The following CDC16 variants were observed in gnomAD, a reference collection of about 807,000 sequenced individuals.
CDC16 encodes cell division cycle 16.
CDC16 carries 34 observed loss-of-function variants against 87.0 expected under a neutral mutation model. That is an observed-to-expected ratio of 0.39 (90% CI 0.30 to 0.52). The LOEUF (loss-of-function observed/expected upper bound fraction) is 0.52. CDC16 is among the 20% of genes least tolerant of loss of function. The pLI is 0.74. For synonymous variants in CDC16, 263 were observed against 260.6 expected (o/e 1.01, Z -0.09); for missense variants, 653 against 751.9 (o/e 0.87, Z 1.54).
intron 9 of CDC16, among the ~76,000 whole-genome samples, chr13:114,245,279 T>TG (rs2081804790): frequency 6.6e-6 from 1 of 151,224 alleles, no homozygotes; most frequent in East Asian, 2.0e-4. Flanking sequence ...CCCTTTTTTT[T>TG]TTTTGTAAAT....
At chr13:114,237,279 T>C (rs1219642200) in intron 3 of CDC16, among the ~76,000 whole-genome samples, 1 of 152,150 alleles carries the variant, frequency 6.6e-6, no homozygotes, top group African/African-American at 2.4e-5. Context: ...GTTGAAATTA[T>C]TTAACTTGAT....
intron 16 of CDC16, chr13:114,264,929 T>A: frequency 2.2e-6 from 1 of 449,154 alleles, no homozygotes; most frequent in Non-Finnish European, 4.1e-6. Context: ...TTTTAAAAAA[T>A]CTTTTTTGGG....
intron 17 of CDC16, among the ~76,000 whole-genome samples, chr13:114,266,634 G>A (rs1261229227): frequency 6.6e-6 from 1 of 152,008 alleles, no homozygotes; most frequent in East Asian, 1.9e-4. Flanking sequence ...AGTATAAACA[G>A]TTTTTCTCTG....
At chr13:114,255,963 G>A (rs577155256) in intron 12 of CDC16, among the ~76,000 whole-genome samples, 2 of 152,226 alleles carry the variant, frequency 1.3e-5, no homozygotes, top group Non-Finnish European at 2.9e-5. Context: ...AATAGCAGCA[G>A]TTCCCTGTGG....
chr13:114,266,904 G>A (rs1234898402), intron 17 of CDC16, among the ~76,000 whole-genome samples: 4 of 151,786 alleles, frequency 2.6e-5, no homozygotes, highest in Non-Finnish European at 2.9e-5. Flanking sequence ...CACAGTGTTC[G>A]CCAGGATGAT....
chr13:114,260,962 C>G (rs944649904), intron 14 of CDC16, among the ~76,000 whole-genome samples: 1 of 152,086 alleles, frequency 6.6e-6, no homozygotes, highest in African/African-American at 2.4e-5. Context: ...TATTTCCTGA[C>G]CTCAGATCAA....
At chr13:114,269,809 A>G (rs1291749986) in intron 17 of CDC16, among the ~76,000 whole-genome samples, 4 of 152,114 alleles carry the variant, frequency 2.6e-5, no homozygotes, top group African/African-American at 9.7e-5. Flanking sequence ...GGTTCAAGCA[A>G]TTCTCCTGCC....
At chr13:114,269,963 C>T (rs144014192) in intron 17 of CDC16, among the ~76,000 whole-genome samples, 3,721 of 152,320 alleles carry the variant, frequency 0.024, 157 homozygotes, top group African/African-American at 0.085. Flanking sequence ...GCCTCAGTCT[C>T]CGAAAGTGCT....
intron 9 of CDC16, chr13:114,245,780 G>T (rs563385511): frequency 6.3e-6 from 3 of 475,230 alleles, no homozygotes; most frequent in Non-Finnish European, 1.1e-5. Context: ...CAGTATTCGG[G>T]AAGTGCTGTC....
chr13:114,248,923 C>A (rs1349727728), intron 11 of CDC16, among the ~76,000 whole-genome samples: 1 of 151,896 alleles, frequency 6.6e-6, no homozygotes, highest in East Asian at 1.9e-4. Flanking sequence ...TATCAGTGGT[C>A]CCCAACATTT....
At chr13:114,243,378 T>C in intron 7 of CDC16, 30 bp downstream of exon 7, 1 of 1,006,694 alleles carries the variant, frequency 9.9e-7, no homozygotes, top group Non-Finnish European at 1.6e-6. Context: ...TAGCACTTGC[T>C]TTATGTAAAT....
In CDC16 at chr13:114,246,999, T is replaced by C; in HGVS notation, c.966T>C (p.Tyr322=). 2 of 1,602,732 alleles carry C rather than the reference T, an allele frequency of 1.2e-6. No homozygotes were observed. The highest frequency in any genetic ancestry group is 1.7e-4 in the Middle Eastern group (1 of 5,978). The change falls in exon 11 of 18, where the codon TAT becomes TAC. Residue 322 remains tyrosine (Y), a synonymous_variant. Coordinates refer to ENST00000356221, the MANE Select transcript of CDC16 (RefSeq NM_001078645.3). ...ATAAAAATGAACATGCCAGAAGATA[T>C]CTCAGGTATGAATTTATTTTTTTCC... The part of the protein sequence containing the change: ...VGHKNEHARR[Y]LSKATTLEKT...
At chr13:114,270,948 G>A (rs1342088582) in intron 17 of CDC16, among the ~76,000 whole-genome samples, 1 of 120,452 alleles carries the variant, frequency 8.3e-6, no homozygotes, top group Non-Finnish European at 1.6e-5. Context: ...TTGAGACACA[G>A]TCTCTCTCTG....
intron 1 of CDC16, among the ~76,000 whole-genome samples, chr13:114,235,841 T>A (rs894421883): frequency 2.0e-5 from 3 of 152,170 alleles, no homozygotes; most frequent in Non-Finnish European, 4.4e-5. Flanking sequence ...TTACCATGAG[T>A]CAGTTGAATT....
At chr13:114,242,378 A>G in intron 6 of CDC16, 98 bp downstream of exon 6, 2 of 1,094,654 alleles carry the variant, frequency 1.8e-6, no homozygotes, top group Non-Finnish European at 2.7e-6. Context: ...CAGGCCACAT[A>G]CAGGTTTAAA....
At chr13:114,253,029 C>T (rs776889986) in intron 12 of CDC16, among the ~76,000 whole-genome samples, 11 of 152,236 alleles carry the variant, frequency 7.2e-5, no homozygotes, top group African/African-American at 1.4e-4. Flanking sequence ...CCCAGCTATG[C>T]GGGAAACTGA....
At position 114,242,482 on chromosome 13, in the gene CDC16, G is replaced by A. The variant is rs1215741159; in HGVS notation, c.541+202G>A. On this transcript the variant is annotated intron_variant, in intron 6 of 17. Transcript: ENST00000356221. ...CTTGTGCTGTCCGAATCTAGGGATTGTGATAGGAAGAGGCCATCTTTTTGA... is the reference window on the plus strand; with the variant it reads ...CTTGTGCTGTCCGAATCTAGGGATTATGATAGGAAGAGGCCATCTTTTTGA... The A allele has an allele frequency of 1.3e-5, 7 of 535,872 alleles. No homozygotes were observed. In the African/African-American group the frequency reaches 1.4e-4, roughly 10 times the overall value. The allele number at this position is 535,872 out of a possible 1,614,324, so 33.2% of individuals were successfully genotyped here.
chr13:114,260,374 G>A (rs931950547), intron 14 of CDC16, among the ~76,000 whole-genome samples: 4 of 152,216 alleles, frequency 2.6e-5, no homozygotes, highest in African/African-American at 9.7e-5. Flanking sequence ...GTTAATAGGG[G>A]ATTGCCACTT....
intron 16 of CDC16, among the ~76,000 whole-genome samples, chr13:114,264,054 T>C (rs966149788): frequency 6.6e-6 from 1 of 152,176 alleles, no homozygotes; most frequent in African/African-American, 2.4e-5. Flanking sequence ...AAAGATAAAC[T>C]CATGAGCGCT....
Sources: allele counts gnomAD v4.1 joint callset (sites outside exome capture counted in the v4.1 genomes callset), GRCh38; gene constraint gnomAD v4.1.1; transcripts MANE v1.5; gene names NCBI Gene and HGNC (gene_info 2026-07-23, HGNC 2026-07-21).